PCDHGA4: variants seen among roughly 807,000 people sequenced by gnomAD.
PCDHGA4 encodes protocadherin gamma subfamily A, 4.
PCDHGA4 carries 38 observed loss-of-function variants against 54.6 expected under a neutral mutation model. The observed-to-expected ratio is 0.70, with a 90% confidence interval of 0.54 to 0.91. The LOEUF is 0.91. PCDHGA4 is among the 40% of genes least tolerant of loss of function. The probability of loss-of-function intolerance (pLI) is 0.00; values close to 1 mark genes in which losing one functional copy is unlikely to be tolerated. For synonymous variants in PCDHGA4, 511 were observed against 512.9 expected (o/e 1.00, Z 0.05); for missense variants, 1,298 against 1,220.9 (o/e 1.06, Z -0.94).
chr5:141,418,018 T>C, intron 1 of PCDHGA4: 1 of 1,613,868 alleles, frequency 6.2e-7, no homozygotes, highest in Non-Finnish European at 8.5e-7. Flanking sequence ...TCGCTAAGGA[T>C]CTAGGGCTTA....
At chr5:141,438,997 C>T (rs2098080665) in intron 1 of PCDHGA4, among the ~76,000 whole-genome samples, 1 of 151,716 alleles carries the variant, frequency 6.6e-6, no homozygotes, top group Admixed American at 6.6e-5. Flanking sequence ...AGGCTAAGGA[C>T]CTGGTTTGTT....
chr5:141,373,880 A>T, intron 1 of PCDHGA4: 1 of 466,736 alleles, frequency 2.1e-6, no homozygotes, highest in Non-Finnish European at 3.6e-6. Context: ...CAAGAAAATC[A>T]ACGGAAACTC....
intron 1 of PCDHGA4, chr5:141,422,676 A>G (rs1245488589): frequency 1.2e-6 from 2 of 1,606,500 alleles, no homozygotes; most frequent in East Asian, 4.5e-5. Flanking sequence ...CGGACAGCAA[A>G]CAGAATGCCC....
chr5:141,388,522 C>G, intron 1 of PCDHGA4: 1 of 1,613,868 alleles, frequency 6.2e-7, no homozygotes, highest in East Asian at 2.2e-5. Flanking sequence ...TTGACTTTGA[C>G]TGCCTTGGAC....
intron 1 of PCDHGA4, chr5:141,385,514 G>T: frequency 7.3e-7 from 1 of 1,363,606 alleles, no homozygotes; most frequent in Non-Finnish European, 9.5e-7. Context: ...TTTAGTGAAA[G>T]CCTATGGACA....
At chr5:141,381,990 C>T (rs1182122495) in intron 1 of PCDHGA4, among the ~76,000 whole-genome samples, 1 of 151,686 alleles carries the variant, frequency 6.6e-6, no homozygotes, top group Middle Eastern at 3.4e-3. Flanking sequence ...CCACCACGCC[C>T]GGATAATTTT....
At chr5:141,364,781 C>A in intron 1 of PCDHGA4, 1 of 1,613,988 alleles carries the variant, frequency 6.2e-7, no homozygotes, top group Non-Finnish European at 8.5e-7. Context: ...TGCAGGGACA[C>A]GGTTAGTGCT....
intron 1 of PCDHGA4, chr5:141,376,302 T>C (rs763012052): frequency 1.2e-6 from 2 of 1,614,166 alleles, no homozygotes; most frequent in South Asian, 2.2e-5. Context: ...GGCTCGCACT[T>C]TGTGGGCGTG....
intron 1 of PCDHGA4, among the ~76,000 whole-genome samples, chr5:141,434,518 T>C (rs2097700303): frequency 6.6e-6 from 1 of 152,188 alleles, no homozygotes; most frequent in Admixed American, 6.5e-5. Flanking sequence ...CTTAAAGGTG[T>C]TCTTAAACCA....
At chr5:141,506,278 G>A (rs1001662623) in intron 3 of PCDHGA4, among the ~76,000 whole-genome samples, 1 of 152,090 alleles carries the variant, frequency 6.6e-6, no homozygotes. Flanking sequence ...GTGAAACCCT[G>A]TCTCTACTAA....
chr5:141,500,986 A>G (rs1223940696), intron 2 of PCDHGA4, among the ~76,000 whole-genome samples: 1 of 151,656 alleles, frequency 6.6e-6, no homozygotes, highest in East Asian at 1.9e-4. Flanking sequence ...CTCCTGCCTC[A>G]GCCTCCTGAG....
chr5:141,359,686 A>G (rs1375097963), intron 1 of PCDHGA4, among the ~76,000 whole-genome samples: 1 of 152,128 alleles, frequency 6.6e-6, no homozygotes, highest in East Asian at 1.9e-4. Context: ...TATACAAGAC[A>G]TATCTCCGGA....
At chr5:141,415,314 C>A (rs375384840) in intron 1 of PCDHGA4, 1 of 1,614,238 alleles carries the variant, frequency 6.2e-7, no homozygotes, top group Non-Finnish European at 8.5e-7. Context: ...CCTTCGTCAT[C>A]GTGCTGCTGG....
intron 1 of PCDHGA4, chr5:141,419,148 C>A: frequency 6.2e-7 from 1 of 1,613,940 alleles, no homozygotes; most frequent in Admixed American, 1.7e-5. Flanking sequence ...AGGGGCAAGC[C>A]TCCGTTATCC....
At chr5:141,460,924 A>ATATG (rs1561985817) in intron 1 of PCDHGA4, among the ~76,000 whole-genome samples, 10 of 150,588 alleles carry the variant, frequency 6.6e-5, no homozygotes, top group East Asian at 3.9e-4. Flanking sequence ...ATATATATAT[A>ATATG]TGTGTGTGTG....
chr5:141,488,312 A>G lies in PCDHGA4; in HGVS notation c.2515-6495A>G, dbSNP rs952247975. 7.9e-5 allele frequency among the ~76,000 whole-genome samples: 12 copies of G among 152,286 alleles called. 1 individual carries two copies. Among genetic ancestry groups the G allele is most frequent in the African/African-American group, 2.9e-4 (12 of 41,558 alleles). On this transcript the variant is annotated intron_variant, in intron 1 of 3. Coordinates refer to ENST00000571252, the MANE Select transcript of PCDHGA4 (RefSeq NM_018917.4). ...AGTAAGTGAAATCACTTATGTCAGA[A>G]AACTGGTTTACAGTTGGCTGATTCA...
chr5:141,416,306 G>A (rs1186519939), intron 1 of PCDHGA4: 1 of 152,186 alleles, frequency 6.6e-6, no homozygotes, highest in Non-Finnish European at 1.5e-5. Flanking sequence ...CTATGTGGAA[G>A]ATATAGCATT....
intron 1 of PCDHGA4, chr5:141,415,066 C>G: frequency 6.2e-7 from 1 of 1,613,410 alleles, no homozygotes; most frequent in Non-Finnish European, 8.5e-7. Context: ...GGGCGAGGTG[C>G]GCACGGCGCG....
Position 141,486,362 on chromosome 5 carries a change from C to A in PCDHGA4, c.2515-8445C>A. On this transcript the variant is annotated intron_variant, in intron 1 of 3. Coordinates refer to ENST00000571252, the MANE Select transcript of PCDHGA4 (RefSeq NM_018917.4). The surrounding 1 kb of genome is among the most constrained non-coding windows in gnomAD (Gnocchi z 5.0). ...CATTCCTGACCACTTGCCATTTGCC[C>A]TCAAGTCTGCCTTCAGGAACCAGTT... The A allele has an allele frequency of 6.2e-7, 1 of 1,614,132 alleles. No individual in the cohort carries two copies. The highest frequency in any genetic ancestry group is 1.7e-5 in the Admixed American group (1 of 60,024).
Sources: allele counts gnomAD v4.1 joint callset (sites outside exome capture counted in the v4.1 genomes callset), GRCh38; gene constraint gnomAD v4.1.1; non-coding constraint Gnocchi (gnomAD v3.1); transcripts MANE v1.5; gene names NCBI Gene and HGNC (gene_info 2026-07-23, HGNC 2026-07-21).